The following SH3D19 variants were observed in gnomAD, a reference collection of about 807,000 sequenced individuals.
SH3D19 encodes SH3 domain containing 19.
SH3D19 carries 58 observed loss-of-function variants against 112.1 expected under a neutral mutation model. That is an observed-to-expected ratio of 0.52 (90% CI 0.42 to 0.64). SH3D19 has a LOEUF of 0.64. SH3D19 is among the 30% of genes least tolerant of loss of function. SH3D19 has a pLI of 0.00. For missense variants in SH3D19, 1,090 were observed against 1,263.4 expected, an observed-to-expected ratio of 0.86 and a Z score of 2.08; for synonymous variants, 391 against 448.5, an observed-to-expected ratio of 0.87 and a Z score of 1.62.
At position 151,128,269 on chromosome 4, in the gene SH3D19, G is replaced by C. The variant is rs1182918034; in HGVS notation, c.2830C>G (p.Arg944Gly). The change falls in exon 18 of 20, where the codon CGG (arginine) becomes GGG (glycine). Residue 944 changes from arginine to glycine, a missense_variant. Physicochemically the swap from Arg to Gly is moderately radical, Grantham distance 125 (BLOSUM62 -2). Transcript: ENST00000604030. ...TCCAGACGTTCCAGAATCTGGATCC[G>C]GTCTCCCCTCTTGAATGATAAGTCA... The part of the protein sequence containing the change: ...SDDLSFKRGD[R>G]IQILERLDSD... 1 of 1,613,834 alleles carries C rather than the reference G, an allele frequency of 6.2e-7. No homozygotes were observed. The highest frequency in any genetic ancestry group is 1.3e-5 in the African/African-American group (1 of 74,892).
chr4:151,282,798 C>T (rs1192324215), intron 1 of SH3D19, among the ~76,000 whole-genome samples: 1 of 151,654 alleles, frequency 6.6e-6, no homozygotes, highest in African/African-American at 2.4e-5. Flanking sequence ...GATCTAGAAG[C>T]AAAAAACATG....
intron 4 of SH3D19, 105 bp from the exon 5 acceptor site, chr4:151,177,060 G>A (rs937920482): frequency 3.8e-5 from 38 of 1,005,686 alleles, no homozygotes; most frequent in Non-Finnish European, 4.9e-5. Context: ...CAAAAAAGTT[G>A]TAAGAACTAA....
At chr4:151,210,462 C>T (rs1250813419) in intron 2 of SH3D19, among the ~76,000 whole-genome samples, 1 of 145,454 alleles carries the variant, frequency 6.9e-6, no homozygotes, top group African/African-American at 2.6e-5. Context: ...AGTGCAGTGG[C>T]GCAATCTCAG....
chr4:151,194,942 G>A (rs1047933162), intron 2 of SH3D19, among the ~76,000 whole-genome samples: 2 of 151,546 alleles, frequency 1.3e-5, no homozygotes, highest in Admixed American at 1.3e-4. Flanking sequence ...AGGTGTGGTG[G>A]CACCTGCCTG....
chr4:151,303,887 A>G (rs947907620), intron 1 of SH3D19, among the ~76,000 whole-genome samples: 5 of 152,042 alleles, frequency 3.3e-5, no homozygotes, highest in Admixed American at 3.3e-4. Flanking sequence ...GCTACTGTAG[A>G]ATGTAGAAAA....
At chr4:151,156,271 G>T (rs1756087774) in intron 9 of SH3D19, among the ~76,000 whole-genome samples, 2 of 151,992 alleles carry the variant, frequency 1.3e-5, no homozygotes, top group South Asian at 4.1e-4. Flanking sequence ...CAGATTCAAT[G>T]CAATCCCTAT....
intron 12 of SH3D19, among the ~76,000 whole-genome samples, chr4:151,143,176 G>A (rs374954305): frequency 5.9e-4 from 90 of 151,276 alleles, no homozygotes; most frequent in East Asian, 2.3e-3. Flanking sequence ...GGTCAAGGCT[G>A]TAGTGATCAT....
intron 1 of SH3D19, among the ~76,000 whole-genome samples, chr4:151,295,847 C>G (rs1775670093): frequency 6.6e-6 from 1 of 152,046 alleles, no homozygotes; most frequent in African/African-American, 2.4e-5. Flanking sequence ...ACCATCCTGG[C>G]CAACATGGTG....
At chr4:151,166,472 G>C (rs755749687) in intron 7 of SH3D19, among the ~76,000 whole-genome samples, 1 of 150,518 alleles carries the variant, frequency 6.6e-6, no homozygotes, top group African/African-American at 2.5e-5. Context: ...GTCCTTTTTA[G>C]TGGTTTGGAA....
rs1205041233 is a variant in SH3D19, at chr4:151,143,923, C to T, written c.2210G>A (p.Arg737Lys). 6 of 1,613,778 alleles carry T rather than the reference C, an allele frequency of 3.7e-6. No individual in the cohort carries two copies. Among genetic ancestry groups the T allele is most frequent in the Non-Finnish European group, 4.2e-6 (5 of 1,179,894 alleles). ...TTAATTCCTTACGTTTGGTCTGCTT[C>T]TAAGATGTTCATCAAGTGGAGTGAT... ...KIITPLDEHL[R>K]SRPNDPSHAQ... The change falls in exon 12 of 20, where the codon AGA becomes AAA. Residue 737 changes from arginine to lysine, a missense_variant. Physicochemically the swap from Arg to Lys is conservative, Grantham distance 26. Transcript: ENST00000604030.
chr4:151,303,428 CATA>C (rs985429303), intron 1 of SH3D19, among the ~76,000 whole-genome samples: 55 of 152,156 alleles, frequency 3.6e-4, no homozygotes, highest in African/African-American at 1.3e-3. Flanking sequence ...TTAAAAATAC[CATA>C]ATATGAGCAA....
At position 151,265,733 on chromosome 4, in the gene SH3D19, C is replaced by T. The variant is rs904495458; in HGVS notation, c.113-39647G>A. ...CTAGGATTACAAGTGTGCACCACCACACCCAGCTAATTTTTATATTTTTTG... is the reference window on the plus strand; with the variant it reads ...CTAGGATTACAAGTGTGCACCACCATACCCAGCTAATTTTTATATTTTTTG... On this transcript the variant is annotated intron_variant, in intron 1 of 19. Coordinates refer to ENST00000604030, the MANE Select transcript of SH3D19 (RefSeq NM_001378122.1). 2.0e-5 allele frequency among the ~76,000 whole-genome samples: 3 copies of T among 151,998 alleles called. No individual in the cohort carries two copies. In the East Asian group the frequency reaches 5.8e-4, roughly 29 times the overall value.
intron 9 of SH3D19, among the ~76,000 whole-genome samples, chr4:151,152,005 G>C (rs1308856983): frequency 2.0e-5 from 3 of 152,128 alleles, no homozygotes; most frequent in African/African-American, 7.2e-5. Flanking sequence ...GTTTTTCCTG[G>C]GGGGTGGTAT....
At chr4:151,159,846 A>G (rs538227898) in intron 8 of SH3D19, among the ~76,000 whole-genome samples, 17 of 152,332 alleles carry the variant, frequency 1.1e-4, no homozygotes, top group Non-Finnish European at 1.0e-4. Context: ...GAACATTTCT[A>G]TCTTTGTAGA....
chr4:151,163,820 T>C (rs1001125346), intron 8 of SH3D19, among the ~76,000 whole-genome samples: 1 of 152,070 alleles, frequency 6.6e-6, no homozygotes, highest in Non-Finnish European at 1.5e-5. Context: ...TGACCTCAAG[T>C]GATCTGCCCA....
chr4:151,128,681 C>G (rs1749947000), intron 17 of SH3D19, among the ~76,000 whole-genome samples: 1 of 152,192 alleles, frequency 6.6e-6, no homozygotes, highest in African/African-American at 2.4e-5. Context: ...TACTTAGTAA[C>G]CCAGGATGGA....
intron 2 of SH3D19, among the ~76,000 whole-genome samples, chr4:151,191,390 A>T (rs537996000): frequency 6.6e-6 from 1 of 152,208 alleles, no homozygotes; most frequent in South Asian, 2.1e-4. Context: ...GGGTGAAATG[A>T]CATGGTTTGG....
intron 11 of SH3D19, among the ~76,000 whole-genome samples, chr4:151,145,821 C>T (rs572485957): frequency 7.2e-5 from 11 of 152,306 alleles, no homozygotes; most frequent in Non-Finnish European, 1.5e-4. Flanking sequence ...TAACTGGATT[C>T]GCAACCCTGG....
chr4:151,166,492 T>C (rs1758051131), intron 7 of SH3D19, among the ~76,000 whole-genome samples: 1 of 147,690 alleles, frequency 6.8e-6, no homozygotes, highest in South Asian at 2.1e-4. Flanking sequence ...AAAATGACTA[T>C]ACTTTTTTTT....
Sources: gnomAD v4.1 joint callset for allele counts (sites outside exome capture counted in the v4.1 genomes callset) on GRCh38, gnomAD v4.1.1 for gene constraint, MANE v1.5 for transcripts, NCBI Gene and HGNC (gene_info 2026-07-23, HGNC 2026-07-21) for gene names.